Variants in HLA-DPA1 observed in about 807,000 individuals in gnomAD.
HLA-DPA1 encodes HLA class II histocompatibility antigen, DP alpha 1 chain.
In HLA-DPA1, 20 loss-of-function variants were observed where a neutral mutation model predicts 21.5. That is an observed-to-expected ratio of 0.93 (90% CI 0.66 to 1.35). HLA-DPA1 has a LOEUF of 1.35. Among genes scored for constraint, HLA-DPA1 ranks in the 40% most tolerant of loss-of-function variants. The pLI is 0.00. For synonymous variants in HLA-DPA1, 123 were observed against 129.6 expected (o/e 0.95, Z 0.35); for missense variants, 279 against 323.0 (o/e 0.86, Z 1.05).
At chr6:33,070,345 G>A (rs993484453) in intron 2 of HLA-DPA1, among the ~76,000 whole-genome samples, 20 of 152,194 alleles carry the variant, frequency 1.3e-4, no homozygotes, top group African/African-American at 4.8e-4. Context: ...TTAATAACTT[G>A]CTAAGGTCAT....
chr6:33,069,445 G>T (rs992637289), intron 3 of HLA-DPA1, 145 bp from the exon 3 acceptor site: 4 of 1,025,284 alleles, frequency 3.9e-6, no homozygotes, highest in African/African-American at 1.7e-5. Flanking sequence ...CCACTGACCA[G>T]CCTCACTCTG....
Position 33,080,439 on chromosome 6 carries a change from G to A in HLA-DPA1, c.-100+241C>T. The A allele has an allele frequency of 1.4e-6, 1 of 708,752 alleles. No individual in the cohort carries two copies. The highest frequency in any genetic ancestry group is 2.6e-6 in the Non-Finnish European group (1 of 385,606). The allele number at this position is 708,752 out of a possible 1,614,324, so 43.9% of individuals were successfully genotyped here. ...CGCCCCTCCCTAGTGATCACTCAGT[G>A]CCCCTGAGCTCATTCTTTTCAGTAA... On this transcript the variant is annotated intron_variant, in intron 1 of 5. Transcript: ENST00000419277. The surrounding 1 kb of genome is among the most constrained non-coding windows in gnomAD (Gnocchi z 4.3).
exon 3 of HLA-DPA1, chr6:33,069,885 C>A: frequency 6.2e-7 from 1 of 1,608,432 alleles, no homozygotes; most frequent in South Asian, 1.1e-5. Context: ...ACACATGGTC[C>A]GCTGCATAAA....
intron 1 of HLA-DPA1, chr6:33,079,820 C>T (rs1762740589): frequency 2.2e-6 from 1 of 452,116 alleles, no homozygotes. Context: ...ATCAGAGTCA[C>T]CAACCCCAGT....
chr6:33,066,266 A>T (rs931200482), intron 5 of HLA-DPA1: 6 of 152,278 alleles, frequency 3.9e-5, no homozygotes, highest in African/African-American at 1.4e-4. Context: ...CAAACAGAAC[A>T]GTGGAACAAG....
At chr6:33,073,800 T>C (rs955005183) in intron 1 of HLA-DPA1, 151 bp from the exon 1 acceptor site, 19 of 513,168 alleles carry the variant, frequency 3.7e-5, no homozygotes, top group Non-Finnish European at 5.8e-5. Context: ...GAATTTTAGG[T>C]ACCAGCGTGG....
chr6:33,069,052 A>G, exon 4 of HLA-DPA1: 2 of 1,613,104 alleles, frequency 1.2e-6, no homozygotes, highest in Non-Finnish European at 8.5e-7. Flanking sequence ...TCCAAGCCCC[A>G]GTGCTCCACC....
chr6:33,071,812 A>AG (rs35828229), intron 2 of HLA-DPA1, among the ~76,000 whole-genome samples: 3 of 151,790 alleles, frequency 2.0e-5, no homozygotes, highest in Non-Finnish European at 4.4e-5. Flanking sequence ...CACTTCTCTC[A>AG]GGGAAGACAG....
rs117860758 is a variant in HLA-DPA1 at position 33,074,245 on chromosome 6, T to A, written c.-99-576A>T. 3.6e-3 allele frequency among the ~76,000 whole-genome samples: 543 copies of A among 152,300 alleles called. 3 individuals carry two copies. The highest frequency in any genetic ancestry group is 0.026 in the East Asian group (133 of 5,190). ...GTGAAATTTCTAGATAATTTTTATT[T>A]TTCAGATTTCTTAGTATTTGATTTT... is the stretch of plus-strand genomic sequence containing the variant. On this transcript the variant is annotated intron_variant, in intron 1 of 5. Transcript: ENST00000419277.
At chr6:33,073,758 G>A in intron 1 of HLA-DPA1, 109 bp from the exon 1 acceptor site, 1 of 567,050 alleles carries the variant, frequency 1.8e-6, no homozygotes, top group Non-Finnish European at 3.1e-6. Flanking sequence ...TGGGTAAAGA[G>A]GACGCTGGAA....
chr6:33,075,778 A>T lies in HLA-DPA1; in HGVS notation c.-99-2109T>A, dbSNP rs547480746. The T allele has an allele frequency of 3.1e-5, 15 of 476,448 alleles. No individual in the cohort carries two copies. In the South Asian group the frequency reaches 4.8e-4, roughly 15 times the overall value. 29.5% of individuals were successfully genotyped at this position (476,448 alleles called of 1,614,324 possible). On this transcript the variant is annotated intron_variant, in intron 1 of 5. Coordinates refer to ENST00000419277, the Ensembl canonical transcript of HLA-DPA1. The stretch of plus-strand genomic sequence containing the variant: ...ATGACTTATCTGACTGGTTAAAATG[A>T]GTATCACTGTCTTTCCTCCGTCATC...
intron 2 of HLA-DPA1, among the ~76,000 whole-genome samples, chr6:33,071,312 C>T (rs1762272292): frequency 6.6e-6 from 1 of 152,168 alleles, no homozygotes; most frequent in South Asian, 2.1e-4. Context: ...CACTAGGAAA[C>T]TTAGCTTGCT....
At chr6:33,076,500 G>A (rs1047663925) in intron 1 of HLA-DPA1, among the ~76,000 whole-genome samples, 6 of 152,186 alleles carry the variant, frequency 3.9e-5, no homozygotes, top group African/African-American at 1.2e-4. Flanking sequence ...CAGCCTGGAG[G>A]GGACTCAGGC....
In HLA-DPA1 at chr6:33,075,368, A is replaced by G. The variant is rs141946325; in HGVS notation, c.-99-1699T>C. ...GGGTAGGTGGTGTGTCCACGCTCCC[A>G]GTGTAAGGTCCCTAGACTGAGCCCT... On this transcript the variant is annotated intron_variant, in intron 1 of 5. Transcript: ENST00000419277. Among the ~76,000 whole-genome samples, 536 of 152,342 alleles carry G rather than the reference A, an allele frequency of 3.5e-3. 3 individuals carry two copies. The highest frequency in any genetic ancestry group is 0.025 in the East Asian group (132 of 5,190).
chr6:33,080,485 GA>G lies in HLA-DPA1; in HGVS notation c.-100+194del. 1.2e-6 allele frequency: 1 copy of G among 807,210 alleles called. No individual in the cohort carries two copies. Among genetic ancestry groups the G allele is most frequent in the Non-Finnish European group, 2.1e-6 (1 of 469,772 alleles). 50.0% of individuals were successfully genotyped at this position (807,210 alleles called of 1,614,324 possible). On this transcript the variant is annotated intron_variant, in intron 1 of 5. Coordinates refer to ENST00000419277, the Ensembl canonical transcript of HLA-DPA1. The surrounding 1 kb of genome is among the most constrained non-coding windows in gnomAD (Gnocchi z 4.3). The stretch of plus-strand genomic sequence containing the variant: ...AGTAAATTCTCTCTCTGCGTGGTGA[GA>G]AAACAGGCCTGGAGAGGCTCTGCGA...
At chr6:33,079,868 A>C (rs1762743128) in intron 1 of HLA-DPA1, 2 of 317,826 alleles carry the variant, frequency 6.3e-6, no homozygotes, top group South Asian at 2.7e-5. Flanking sequence ...TAGAAAGTTC[A>C]TGTCCACGTT....
chr6:33,074,522 CTATT>C (rs1177203059), intron 1 of HLA-DPA1, among the ~76,000 whole-genome samples: 2 of 152,072 alleles, frequency 1.3e-5, no homozygotes, highest in African/African-American at 2.4e-5. Context: ...CAATTTTGAG[CTATT>C]TATTTGATAC....
chr6:33,080,672 A>G lies in HLA-DPA1; in HGVS notation c.-100+8T>C. 1 of 1,612,538 alleles carries G rather than the reference A, an allele frequency of 6.2e-7. No homozygotes were observed. The highest frequency in any genetic ancestry group is 8.5e-7 in the Non-Finnish European group (1 of 1,179,322). ...GCTCATGTCCGCCCCCTCCCCGCAG[A>G]GAATTACCTTTTCCAGGGACGGCAG... On this transcript the variant is annotated splice_region_variant and intron_variant, in intron 1 of 5. Coordinates refer to ENST00000419277, the Ensembl canonical transcript of HLA-DPA1. This position sits in a 1 kb window ranked among gnomAD's most constrained non-coding sequence, Gnocchi z 4.3.
Position 33,080,314 on chromosome 6 carries a change from C to T in HLA-DPA1, c.-100+366G>A, listed in dbSNP as rs935097101. 1 of 452,486 alleles carries T rather than the reference C, an allele frequency of 2.2e-6. No homozygotes were observed. Among genetic ancestry groups the T allele is most frequent in the Non-Finnish European group, 4.4e-6 (1 of 229,844 alleles). 28.0% of individuals were successfully genotyped at this position (452,486 alleles called of 1,614,324 possible). A position where few individuals can be genotyped will look rare whatever the true frequency, so the allele number is the denominator to read the frequency against. The stretch of plus-strand genomic sequence containing the variant: ...GGGAGCAGCTCCGCCCTCCACGTCC[C>T]CAGCTCCTCCCGCCCCTGTTTTTTC... On this transcript the variant is annotated intron_variant, in intron 1 of 5. Transcript: ENST00000419277. This position sits in a 1 kb window ranked among gnomAD's most constrained non-coding sequence, Gnocchi z 4.3.
Sources: allele counts gnomAD v4.1 joint callset (sites outside exome capture counted in the v4.1 genomes callset), GRCh38; gene constraint gnomAD v4.1.1; non-coding constraint Gnocchi (gnomAD v3.1); transcripts MANE v1.5; gene names NCBI Gene and HGNC (gene_info 2026-07-23, HGNC 2026-07-21).